INSYN2B: variants seen among roughly 807,000 people sequenced by gnomAD.
The protein encoded by INSYN2B is protein INSYN2B.
INSYN2B carries 16 observed loss-of-function variants against 41.2 expected under a neutral mutation model. The ratio of observed to expected loss-of-function variants is 0.39; its 90% CI spans 0.26 to 0.59. The LOEUF (loss-of-function observed/expected upper bound fraction) is 0.59, where lower values mean the gene tolerates loss of function less well. Ranked by LOEUF, INSYN2B falls within the 20% of genes least tolerant of loss-of-function variation. The probability of loss-of-function intolerance (pLI) is 0.57; values close to 1 mark genes in which losing one functional copy is unlikely to be tolerated. For missense variants in INSYN2B, 608 were observed against 646.4 expected, an observed-to-expected ratio of 0.94 and a Z score of 0.64; for synonymous variants, 245 against 244.4, an observed-to-expected ratio of 1.00 and a Z score of -0.02.
At chr5:169,931,937 A>G (rs576058326) in intron 1 of INSYN2B, among the ~76,000 whole-genome samples, 2 of 152,142 alleles carry the variant, frequency 1.3e-5, no homozygotes, top group Non-Finnish European at 2.9e-5. Flanking sequence ...TCACTCATTC[A>G]TGTATTCAAC....
At chr5:169,918,944 G>A (rs141218457) in intron 1 of INSYN2B, among the ~76,000 whole-genome samples, 2,217 of 152,128 alleles carry the variant, frequency 0.015, 50 homozygotes, top group African/African-American at 0.051. Context: ...GATATTTTAG[G>A]GGCCAGATAT....
At chr5:169,908,521 T>A (rs985383189) in intron 1 of INSYN2B, among the ~76,000 whole-genome samples, 2 of 152,078 alleles carry the variant, frequency 1.3e-5, no homozygotes, top group Non-Finnish European at 2.9e-5. Flanking sequence ...CACAAATAGG[T>A]TCCCACCTGC....
At chr5:169,939,586 C>G (rs1776147298) in intron 1 of INSYN2B, among the ~76,000 whole-genome samples, 1 of 152,010 alleles carries the variant, frequency 6.6e-6, no homozygotes, top group Non-Finnish European at 1.5e-5. Context: ...ACGGGCAGCA[C>G]AGTATGTTAG....
intron 1 of INSYN2B, among the ~76,000 whole-genome samples, chr5:169,953,448 A>G (rs749152043): frequency 6.6e-6 from 1 of 152,158 alleles, no homozygotes; most frequent in Non-Finnish European, 1.5e-5. Flanking sequence ...AAATTGTTTC[A>G]GATCTCTAAA....
chr5:169,874,054 G>A (rs2338804), intron 3 of INSYN2B, among the ~76,000 whole-genome samples: 2,761 of 151,650 alleles, frequency 0.018, 89 homozygotes, highest in African/African-American at 0.063. Flanking sequence ...CTCCTTTACA[G>A]AATCCATAAG....
chr5:169,928,507 A>C (rs1561831284), intron 1 of INSYN2B, among the ~76,000 whole-genome samples: 1 of 152,210 alleles, frequency 6.6e-6, no homozygotes, highest in Non-Finnish European at 1.5e-5. Flanking sequence ...GAGTGAATCC[A>C]AGTTACGGGA....
chr5:169,879,126 C>T (rs1772492670), intron 3 of INSYN2B, among the ~76,000 whole-genome samples: 1 of 152,132 alleles, frequency 6.6e-6, no homozygotes, highest in African/African-American at 2.4e-5. Context: ...ACTTAGGAAA[C>T]CGTATGCATG....
Position 169,910,992 on chromosome 5 carries a change from C to A in INSYN2B, c.-918-26176G>T, listed in dbSNP as rs576391136. 6.6e-5 allele frequency among the ~76,000 whole-genome samples: 10 copies of A among 152,210 alleles called. No individual in the cohort carries two copies. In the South Asian group the frequency reaches 1.9e-3, roughly 28 times the overall value. ...TGGAAGTGAGAATAATAAGTGAAAC[C>A]CTCAGGTGCCTCCAAGGCCCCAGGA... On this transcript the variant is annotated intron_variant, in intron 1 of 3. Coordinates refer to ENST00000377365, the MANE Select transcript of INSYN2B (RefSeq NM_001129891.3).
At position 169,928,912 on chromosome 5, in the gene INSYN2B, G is replaced by C. The variant is rs28371105; in HGVS notation, c.-918-44096C>G. The stretch of plus-strand genomic sequence containing the variant: ...TGTTTCTGTTCCTGCTTGAATAGTG[G>C]AATAATTAGCAGATAACTGCGCTAT... On this transcript the variant is annotated intron_variant, in intron 1 of 3. Coordinates refer to ENST00000377365, the MANE Select transcript of INSYN2B (RefSeq NM_001129891.3). 5.2e-3 allele frequency among the ~76,000 whole-genome samples: 792 copies of C among 152,292 alleles called. 4 individuals carry two copies. The highest frequency in any genetic ancestry group is 0.017 in the African/African-American group (700 of 41,554).
intron 1 of INSYN2B, among the ~76,000 whole-genome samples, chr5:169,965,929 T>C (rs1351381833): frequency 6.6e-6 from 1 of 152,162 alleles, no homozygotes; most frequent in Non-Finnish European, 1.5e-5. Flanking sequence ...GAACAGATTA[T>C]CCACTGGAAA....
At chr5:169,955,614 G>A (rs771988025) in intron 1 of INSYN2B, among the ~76,000 whole-genome samples, 7 of 152,174 alleles carry the variant, frequency 4.6e-5, no homozygotes, top group Non-Finnish European at 5.9e-5. Flanking sequence ...AGGTTCTGAG[G>A]ACCGTGTATG....
chr5:169,884,098 T>C lies in INSYN2B; in HGVS notation c.-200A>G, dbSNP rs1772833647. 7 of 422,574 alleles carry C rather than the reference T, an allele frequency of 1.7e-5. No homozygotes were observed. The East Asian group carries it at 2.4e-4, about 14-fold the overall frequency. 26.2% of individuals were successfully genotyped at this position (422,574 alleles called of 1,614,324 possible). On this transcript the variant is annotated 5_prime_UTR_variant, in exon 2 of 4. Coordinates refer to ENST00000377365, the MANE Select transcript of INSYN2B (RefSeq NM_001129891.3). ...TCTACGTAGGAACTATCTGTAATGC[T>C]TTCCCTGCAGTTAAAATATTAATTC...
intron 1 of INSYN2B, among the ~76,000 whole-genome samples, chr5:169,940,432 C>T (rs1018566595): frequency 9.2e-5 from 14 of 152,190 alleles, no homozygotes; most frequent in South Asian, 2.1e-4. Context: ...TTCCACAGAC[C>T]GGGAGGAGGA....
intron 1 of INSYN2B, among the ~76,000 whole-genome samples, chr5:169,968,457 A>G (rs1777379638): frequency 6.6e-6 from 1 of 152,218 alleles, no homozygotes; most frequent in Non-Finnish European, 1.5e-5. Context: ...CAGTGGGGAC[A>G]GACACATGAG....
rs1461655184 is a variant in INSYN2B at position 169,882,639 on chromosome 5, C to T, written c.1260G>A (p.Glu420=). Residue 420 remains glutamate, a synonymous_variant, in exon 2 of 4, where the codon GAG becomes GAA. Coordinates refer to ENST00000377365, the MANE Select transcript of INSYN2B (RefSeq NM_001129891.3). ...TCTCTTGGTTCGAGTGCAGAGATTCCTCCACAGATTGCAGTCGGCCTTGGA... is the reference window on the plus strand; with the variant it reads ...TCTCTTGGTTCGAGTGCAGAGATTCTTCCACAGATTGCAGTCGGCCTTGGA... ...CDLQGRLQSV[E]ESLHSNQEKI... 1 of 1,551,986 alleles carries T rather than the reference C, an allele frequency of 6.4e-7. No individual in the cohort carries two copies. The highest frequency in any genetic ancestry group is 1.2e-5 in the South Asian group (1 of 84,056).
chr5:169,882,132 A>G (rs1195498371), intron 2 of INSYN2B, among the ~76,000 whole-genome samples: 1 of 152,218 alleles, frequency 6.6e-6, no homozygotes, highest in Middle Eastern at 3.2e-3. Flanking sequence ...TGGCCATCTC[A>G]AGTCCTTTGT....
intron 1 of INSYN2B, among the ~76,000 whole-genome samples, chr5:169,950,369 A>C (rs1776610111): frequency 6.6e-6 from 1 of 152,240 alleles, no homozygotes; most frequent in African/African-American, 2.4e-5. Flanking sequence ...GCATTTACTA[A>C]GCACTCAAAA....
intron 1 of INSYN2B, among the ~76,000 whole-genome samples, chr5:169,905,974 C>T (rs1008393792): frequency 2.0e-5 from 3 of 152,196 alleles, no homozygotes; most frequent in Admixed American, 6.5e-5. Flanking sequence ...AGCCTCTATT[C>T]TACTTTACCC....
chr5:169,979,960 G>A (rs900792339), intron 1 of INSYN2B, among the ~76,000 whole-genome samples: 8 of 152,268 alleles, frequency 5.3e-5, no homozygotes, highest in Middle Eastern at 6.8e-3. Flanking sequence ...CAAGGCTTAA[G>A]ACAATTCATC....
Sources: gnomAD v4.1 joint callset for allele counts (sites outside exome capture counted in the v4.1 genomes callset) on GRCh38, gnomAD v4.1.1 for gene constraint, MANE v1.5 for transcripts, NCBI Gene and HGNC (gene_info 2026-07-23, HGNC 2026-07-21) for gene names.